IQSEC1: variants seen among roughly 807,000 people sequenced by gnomAD.
The protein encoded by IQSEC1 is IQ motif and Sec7 domain ArfGEF 1, also known as IQ motif and SEC7 domain-containing protein 1.
In IQSEC1, 31 loss-of-function variants were observed where a neutral mutation model predicts 91.0. The ratio of observed to expected loss-of-function variants is 0.34; its 90% CI spans 0.26 to 0.46. IQSEC1 has a LOEUF of 0.46. Ranked by LOEUF, IQSEC1 falls within the 20% of genes least tolerant of loss-of-function variation. The pLI is 1.00. For synonymous variants in IQSEC1, 699 were observed against 662.6 expected, an observed-to-expected ratio of 1.05 and a Z score of -0.84; for missense variants, 1,388 against 1,575.6, an observed-to-expected ratio of 0.88 and a Z score of 2.02.
intron 1 of IQSEC1, among the ~76,000 whole-genome samples, chr3:12,988,652 A>T (rs1022351693): frequency 6.6e-6 from 1 of 152,216 alleles, no homozygotes; most frequent in East Asian, 1.9e-4. Context: ...GCACAAAGTC[A>T]GGATGACGAC....
At chr3:13,129,872 A>G (rs1553567600) in intron 2 of IQSEC1, among the ~76,000 whole-genome samples, 1 of 151,488 alleles carries the variant, frequency 6.6e-6, no homozygotes, top group Non-Finnish European at 1.5e-5. Context: ...GTTAGCCTGG[A>G]TGGTCTCGAT....
At chr3:13,130,117 G>C (rs1221996744) in intron 2 of IQSEC1, among the ~76,000 whole-genome samples, 1 of 151,040 alleles carries the variant, frequency 6.6e-6, no homozygotes, top group African/African-American at 2.4e-5. Flanking sequence ...AGGCCGAGGC[G>C]GGAGGATTAT....
At chr3:13,071,519 A>G (rs1462985746) in intron 1 of IQSEC1, among the ~76,000 whole-genome samples, 1 of 152,194 alleles carries the variant, frequency 6.6e-6, no homozygotes, top group Non-Finnish European at 1.5e-5. Flanking sequence ...CTGTCTCAGG[A>G]GGACCTATTC....
intron 2 of IQSEC1, among the ~76,000 whole-genome samples, chr3:13,140,921 C>A (rs149281260): frequency 6.6e-6 from 1 of 152,168 alleles, no homozygotes; most frequent in South Asian, 2.1e-4. Flanking sequence ...TCATAGTGTG[C>A]GCCTGTGCCC....
At chr3:13,021,927 C>T in intron 1 of IQSEC1, 1 of 705,906 alleles carries the variant, frequency 1.4e-6, no homozygotes, top group Non-Finnish European at 2.0e-6. Context: ...GAAAGTTGCT[C>T]CAGCTCCCTC....
intron 1 of IQSEC1, 125 bp from the exon 2 acceptor site, chr3:12,941,990 T>C (rs980174699): frequency 1.0e-4 from 89 of 872,378 alleles, no homozygotes; most frequent in Non-Finnish European, 1.4e-4. Flanking sequence ...TCACACCCCA[T>C]GGCTGAGTCC....
intron 1 of IQSEC1, chr3:13,022,133 G>C: frequency 2.0e-5 from 25 of 1,231,770 alleles, no homozygotes; most frequent in Non-Finnish European, 2.5e-5. Context: ...GTGGCCAAGG[G>C]GCCCACCACC....
intron 1 of IQSEC1, among the ~76,000 whole-genome samples, chr3:12,954,677 G>C (rs1043982774): frequency 6.6e-6 from 1 of 152,222 alleles, no homozygotes; most frequent in Non-Finnish European, 1.5e-5. Context: ...AGCTCGGGAA[G>C]GGCAGTGTCT....
chr3:13,263,718 G>A (rs1403128806), intron 1 of IQSEC1, among the ~76,000 whole-genome samples: 1 of 152,176 alleles, frequency 6.6e-6, no homozygotes, highest in Non-Finnish European at 1.5e-5. Context: ...TGGGATTACA[G>A]GCTCTTTGTG....
chr3:13,267,102 G>A (rs115203594), intron 1 of IQSEC1, among the ~76,000 whole-genome samples: 4,925 of 152,286 alleles, frequency 0.032, 127 homozygotes, highest in Middle Eastern at 0.051. Context: ...TCTGGGAGGT[G>A]GTGAGGTCAT....
Position 12,908,837 on chromosome 3 carries a change from T to C in IQSEC1, c.2579-312A>G, listed in dbSNP as rs955301582. ...AGATGAGCAAAGATTAGCCAGGGTC[T>C]TCCACAGAGAGGGCAGTGGTAGGGA... On this transcript the variant is annotated intron_variant, in intron 11 of 13. Transcript: ENST00000613206. The surrounding 1 kb of genome is among the most constrained non-coding windows in gnomAD (Gnocchi z 4.9). Among the ~76,000 whole-genome samples the C allele has an allele frequency of 2.0e-5, 3 of 151,970 alleles. No homozygotes were observed. The highest frequency in any genetic ancestry group is 4.8e-5 in the African/African-American group (2 of 41,412).
intron 1 of IQSEC1, among the ~76,000 whole-genome samples, chr3:12,960,936 T>G (rs1369603412): frequency 6.6e-6 from 1 of 152,220 alleles, no homozygotes; most frequent in African/African-American, 2.4e-5. Context: ...AGGCAGCAGC[T>G]TGCAGTGGGG....
At chr3:13,132,422 C>T (rs1442842584) in intron 2 of IQSEC1, among the ~76,000 whole-genome samples, 5 of 152,198 alleles carry the variant, frequency 3.3e-5, no homozygotes, top group East Asian at 1.9e-4. Context: ...AGTTTTCTCA[C>T]GCTCACGAGC....
At chr3:13,175,257 T>C (rs970655852) in intron 1 of IQSEC1, among the ~76,000 whole-genome samples, 5 of 152,138 alleles carry the variant, frequency 3.3e-5, no homozygotes, top group Admixed American at 1.3e-4. Context: ...GGCCCATGTT[T>C]CCTCATTTGT....
intron 2 of IQSEC1, among the ~76,000 whole-genome samples, chr3:13,097,881 A>C (rs1363481954): frequency 6.6e-6 from 1 of 152,200 alleles, no homozygotes; most frequent in Non-Finnish European, 1.5e-5. Flanking sequence ...CCCTTTCTTC[A>C]TGACCAGCTC....
intron 1 of IQSEC1, among the ~76,000 whole-genome samples, chr3:12,953,676 C>CA (rs1419287959): frequency 6.6e-6 from 1 of 152,212 alleles, no homozygotes; most frequent in Admixed American, 6.5e-5. Flanking sequence ...GCCACCCAAC[C>CA]ACATGAAGGA....
intron 1 of IQSEC1, among the ~76,000 whole-genome samples, chr3:13,278,847 G>A (rs974855825): frequency 9.2e-5 from 14 of 152,096 alleles, no homozygotes; most frequent in African/African-American, 3.4e-4. Context: ...GGGGGGACAG[G>A]GAAGAGCAGG....
chr3:12,920,052 G>A (rs1026507314), intron 6 of IQSEC1, among the ~76,000 whole-genome samples: 1 of 152,226 alleles, frequency 6.6e-6, no homozygotes, highest in Non-Finnish European at 1.5e-5. Flanking sequence ...TGTGGCAAAT[G>A]CTACTCATTC....
intron 1 of IQSEC1, among the ~76,000 whole-genome samples, chr3:13,205,252 C>T (rs559705966): frequency 2.0e-5 from 3 of 152,142 alleles, no homozygotes; most frequent in South Asian, 4.2e-4. Flanking sequence ...AAAATTGGAC[C>T]CCCTAAACCA....
Sources: allele counts gnomAD v4.1 joint callset (sites outside exome capture counted in the v4.1 genomes callset), GRCh38; gene constraint gnomAD v4.1.1; non-coding constraint Gnocchi (gnomAD v3.1); transcripts MANE v1.5; gene names NCBI Gene and HGNC (gene_info 2026-07-23, HGNC 2026-07-21).